Variants in POLA1 observed in about 807,000 individuals in gnomAD.
POLA1 encodes the protein DNA polymerase alpha catalytic subunit.
Under a neutral mutation model 124.0 loss-of-function variants are expected in POLA1, and 15 were observed. That is an observed-to-expected ratio of 0.12 (90% CI 0.08 to 0.19). The LOEUF (loss-of-function observed/expected upper bound fraction) is 0.19. POLA1 is among the 10% of genes least tolerant of loss of function. The probability of loss-of-function intolerance (pLI) is 1.00; values close to 1 mark genes in which losing one functional copy is unlikely to be tolerated. For missense variants in POLA1, 886 were observed against 1,103.4 expected (o/e 0.80, Z 2.79); for synonymous variants, 408 against 389.4 (o/e 1.05, Z -0.56).
chrX:24,725,119 C>T (rs1035604967), intron 12 of POLA1, among the ~76,000 whole-genome samples: 9 of 109,760 alleles, frequency 8.2e-5, no homozygotes, highest in Admixed American at 2.9e-4. Flanking sequence ...GTGCTGAGGC[C>T]GGACTGCTTG....
chrX:24,754,457 G>A (rs1194157720), intron 26 of POLA1, among the ~76,000 whole-genome samples: 1 of 109,806 alleles, frequency 9.1e-6, no homozygotes, highest in Non-Finnish European at 1.9e-5. Flanking sequence ...GGGTTTCTCC[G>A]TGGTCAGGCT....
chrX:24,825,066 G>C (rs2046150419), intron 31 of POLA1, among the ~76,000 whole-genome samples: 1 of 111,857 alleles, frequency 8.9e-6, no homozygotes, highest in Admixed American at 9.5e-5. Flanking sequence ...AAATACAATT[G>C]AGTTGTGTGA....
intron 36 of POLA1, among the ~76,000 whole-genome samples, chrX:24,937,492 A>G (rs1016137917): frequency 8.9e-6 from 1 of 112,074 alleles, no homozygotes; most frequent in African/African-American, 3.2e-5. Flanking sequence ...CTAAAATGTT[A>G]TAGAGAATGT....
chrX:24,976,029 A>G (rs1420455525), intron 36 of POLA1, among the ~76,000 whole-genome samples: 1 of 112,556 alleles, frequency 8.9e-6, no homozygotes, highest in East Asian at 2.8e-4. Flanking sequence ...AAGTACATAC[A>G]CTACTATACC....
chrX:24,838,114 T>G (rs1403768616), intron 32 of POLA1, among the ~76,000 whole-genome samples: 1 of 111,522 alleles, frequency 9.0e-6, no homozygotes, highest in Non-Finnish European at 1.9e-5. Context: ...ACTGGGGGTG[T>G]GTGTGATAAG....
chrX:24,910,136 G>A (rs1297283589), intron 35 of POLA1, among the ~76,000 whole-genome samples: 1 of 103,616 alleles, frequency 9.7e-6, no homozygotes, highest in Non-Finnish European at 2.0e-5. Flanking sequence ...GAGATTTTGG[G>A]CTGAGACAAT....
intron 34 of POLA1, among the ~76,000 whole-genome samples, chrX:24,859,485 C>A (rs2046689530): frequency 8.9e-6 from 1 of 112,416 alleles, no homozygotes; most frequent in Admixed American, 9.4e-5. Context: ...TTGTGAAATT[C>A]TTCTGCCTTC....
rs768443143 is a variant in POLA1 at position 24,835,106 on chromosome X, G to A, written c.3737-6546G>A. 5.9e-4 allele frequency among the ~76,000 whole-genome samples: 64 copies of A among 108,136 alleles called. 1 individual carries two copies. Among genetic ancestry groups the A allele is most frequent in the African/African-American group, 2.1e-3 (63 of 29,689 alleles). The allele number at this position is 108,136 out of a possible 115,157, so 93.9% of individuals were successfully genotyped here. Reference sequence around the variant, plus strand: ...TCTGTCACCCAGGCTGGAGTGCAGTGGTGCGATCTCGGATCACGACAACCT... The same window carrying A: ...TCTGTCACCCAGGCTGGAGTGCAGTAGTGCGATCTCGGATCACGACAACCT... On this transcript the variant is annotated intron_variant, in intron 32 of 36. Coordinates refer to ENST00000379068, the MANE Select transcript of POLA1 (RefSeq NM_001330360.2).
chrX:24,722,859 G>A (rs1930287341), intron 10 of POLA1, among the ~76,000 whole-genome samples: 2 of 111,963 alleles, frequency 1.8e-5, no homozygotes, highest in Non-Finnish European at 3.8e-5. Flanking sequence ...GGCCTGTTTT[G>A]TTTCTCTTAA....
chrX:24,972,357 G>A (rs1388323407), intron 36 of POLA1, among the ~76,000 whole-genome samples: 2 of 112,091 alleles, frequency 1.8e-5, no homozygotes, highest in South Asian at 7.4e-4. Context: ...TTATGAGTGG[G>A]TATTATTATG....
chrX:24,973,762 A>G (rs889080144), intron 36 of POLA1, among the ~76,000 whole-genome samples: 1 of 111,781 alleles, frequency 8.9e-6, no homozygotes, highest in African/African-American at 3.3e-5. Context: ...TTTGGCGACC[A>G]TCTACATTGT....
At chrX:24,823,705 A>T (rs1284167404) in intron 31 of POLA1, among the ~76,000 whole-genome samples, 1 of 112,575 alleles carries the variant, frequency 8.9e-6, no homozygotes, top group Non-Finnish European at 1.9e-5. Context: ...CTCCTGGCCC[A>T]TCATGACACA....
At chrX:24,834,363 CAG>C (rs1221634252) in intron 32 of POLA1, among the ~76,000 whole-genome samples, 4 of 111,820 alleles carry the variant, frequency 3.6e-5, no homozygotes, top group African/African-American at 1.3e-4. Flanking sequence ...CTAAAATACT[CAG>C]AAATTTTCCA....
At chrX:24,965,723 C>T (rs918389476) in intron 36 of POLA1, among the ~76,000 whole-genome samples, 25 of 112,266 alleles carry the variant, frequency 2.2e-4, no homozygotes, top group Non-Finnish European at 4.5e-4. Flanking sequence ...ATATACAAAG[C>T]CTTTGCTTTC....
chrX:24,951,481 T>G, intron 36 of POLA1, among the ~76,000 whole-genome samples: 1 of 108,657 alleles, frequency 9.2e-6, no homozygotes, highest in Non-Finnish European at 1.9e-5. Context: ...TAATTCAAAT[T>G]ATCACATTAG....
chrX:24,907,699 C>T (rs759000334), intron 35 of POLA1, among the ~76,000 whole-genome samples: 3 of 111,684 alleles, frequency 2.7e-5, no homozygotes, highest in Admixed American at 9.5e-5. Context: ...CATTGCCAGC[C>T]GACCAGCTCT....
intron 34 of POLA1, among the ~76,000 whole-genome samples, chrX:24,871,857 A>G (rs773271618): frequency 1.8e-5 from 2 of 112,321 alleles, no homozygotes; most frequent in African/African-American, 6.5e-5. Flanking sequence ...AGCTATTTTA[A>G]TATTTAGTCA....
rs1444009042 is a variant in POLA1, at chrX:24,743,282, G to A, written c.2519G>A (p.Arg840His). Residue 840 changes from arginine (R) to histidine (H), a missense_variant, in exon 23 of 37, where the codon CGT becomes CAT. Arg to His is a conservative substitution (Grantham distance 29). Coordinates refer to ENST00000379068, the MANE Select transcript of POLA1 (RefSeq NM_001330360.2). ...GATACCAATAAATACAAGAAAGGACGTAAGAAAGCAGCTTATGCTGGAGGC... is the reference window on the plus strand; with the variant it reads ...GATACCAATAAATACAAGAAAGGACATAAGAAAGCAGCTTATGCTGGAGGC... ...DGDTNKYKKGRKKAAYAGGLV... is the reference protein window; with the variant it reads ...DGDTNKYKKGHKKAAYAGGLV... The A allele has an allele frequency of 3.4e-5, 40 of 1,177,602 alleles. No homozygotes were observed. The highest frequency in any genetic ancestry group is 3.8e-5 in the Non-Finnish European group (33 of 868,734).
chrX:24,698,716 C>T (rs763102745), intron 1 of POLA1, among the ~76,000 whole-genome samples: 8 of 111,086 alleles, frequency 7.2e-5, no homozygotes, highest in Non-Finnish European at 1.5e-4. Flanking sequence ...TGCAATGGTG[C>T]GATCTCAGCT....
Sources: gnomAD v4.1 joint callset for allele counts (sites outside exome capture counted in the v4.1 genomes callset) on GRCh38, gnomAD v4.1.1 for gene constraint, MANE v1.5 for transcripts, NCBI Gene and HGNC (gene_info 2026-07-23, HGNC 2026-07-21) for gene names.